The following MAGI2 variants were observed in gnomAD, a reference collection of about 807,000 sequenced individuals.
MAGI2 encodes membrane-associated guanylate kinase, WW and PDZ domain-containing protein 2.
MAGI2 carries 35 observed loss-of-function variants against 133.3 expected under a neutral mutation model. That is an observed-to-expected ratio of 0.26 (90% CI 0.20 to 0.35). The LOEUF (loss-of-function observed/expected upper bound fraction) is 0.35, where lower values mean the gene tolerates loss of function less well. MAGI2 is among the 10% of genes least tolerant of loss of function. MAGI2 has a pLI of 1.00. For missense variants in MAGI2, 1,636 were observed against 1,863.4 expected, an observed-to-expected ratio of 0.88 and a Z score of 2.25; for synonymous variants, 729 against 710.6, an observed-to-expected ratio of 1.03 and a Z score of -0.41.
At chr7:78,328,806 C>T (rs931829451) in intron 9 of MAGI2, among the ~76,000 whole-genome samples, 4 of 151,896 alleles carry the variant, frequency 2.6e-5, no homozygotes, top group African/African-American at 9.7e-5. Flanking sequence ...TTCCCACCAT[C>T]CCCCATAGTC....
chr7:78,065,462 A>G (rs938369853), intron 21 of MAGI2: 3 of 571,364 alleles, frequency 5.3e-6, no homozygotes, highest in Non-Finnish European at 9.2e-6. Context: ...CCAGAACTCT[A>G]GAAATAATTA....
intron 20 of MAGI2, among the ~76,000 whole-genome samples, chr7:78,096,693 A>G (rs1366341004): frequency 1.3e-5 from 2 of 152,284 alleles, no homozygotes; most frequent in African/African-American, 2.4e-5. Flanking sequence ...TACAGTCTAC[A>G]GCTTCTTTTG....
At chr7:78,073,658 G>A (rs1814960595) in intron 21 of MAGI2, among the ~76,000 whole-genome samples, 1 of 152,186 alleles carries the variant, frequency 6.6e-6, no homozygotes, top group Admixed American at 6.5e-5. Context: ...ATTTACCTTG[G>A]CCCTGACTCT....
chr7:78,717,561 T>C (rs901562605), intron 2 of MAGI2, among the ~76,000 whole-genome samples: 4 of 152,286 alleles, frequency 2.6e-5, no homozygotes, highest in Non-Finnish European at 5.9e-5. Context: ...GGTGAAAATA[T>C]CGGAGCCCCA....
rs999326873 is a variant in MAGI2, at chr7:79,284,438, A to G, written c.301+168582T>C. Among the ~76,000 whole-genome samples the G allele has an allele frequency of 4.6e-5, 7 of 152,134 alleles. No individual in the cohort carries two copies. In the South Asian group the frequency reaches 1.5e-3, roughly 32 times the overall value. On this transcript the variant is annotated intron_variant, in intron 1 of 21. Coordinates refer to ENST00000354212, the MANE Select transcript of MAGI2 (RefSeq NM_012301.4). ...GGTCTGGCATGGTCCTGGGCACCCC[A>G]CTAGACCACATATCACATACTTTTA...
intron 1 of MAGI2, among the ~76,000 whole-genome samples, chr7:79,261,579 G>T (rs1301561019): frequency 1.3e-5 from 2 of 152,050 alleles, no homozygotes. Flanking sequence ...ACCCCTTTAT[G>T]TAATGTTTCT....
At chr7:78,871,047 A>G (rs1458014574) in intron 2 of MAGI2, among the ~76,000 whole-genome samples, 4 of 152,194 alleles carry the variant, frequency 2.6e-5, no homozygotes, top group Non-Finnish European at 4.4e-5. Flanking sequence ...GCAGTGGCTC[A>G]TGCCTGTAAT....
At chr7:79,157,655 A>G (rs7790650) in intron 1 of MAGI2, among the ~76,000 whole-genome samples, 111,140 of 151,846 alleles carry the variant, frequency 0.73, 42,108 homozygotes, top group Non-Finnish European at 0.84. Context: ...TTTATGGCAC[A>G]TCTCCTTGCC....
At chr7:78,410,346 T>C (rs1484582852) in intron 6 of MAGI2, among the ~76,000 whole-genome samples, 1 of 152,052 alleles carries the variant, frequency 6.6e-6, no homozygotes, top group Non-Finnish European at 1.5e-5. Flanking sequence ...CAATGCAAAG[T>C]CACCAGAATG....
chr7:79,258,004 AT>A (rs1255625815), intron 1 of MAGI2, among the ~76,000 whole-genome samples: 2 of 152,168 alleles, frequency 1.3e-5, no homozygotes, highest in Admixed American at 6.5e-5. Flanking sequence ...GACCTCATGC[AT>A]TTTTTTCTTA....
rs1442679732 is a variant in MAGI2, at chr7:78,114,850, C to T, written c.3567+10844G>A. ...CTGGAGCTGGAGAGGAAGATAAGGACGTATGCTACAGAATGAATGCGGCGG... is the reference window on the plus strand; with the variant it reads ...CTGGAGCTGGAGAGGAAGATAAGGATGTATGCTACAGAATGAATGCGGCGG... On this transcript the variant is annotated intron_variant, in intron 20 of 21. Transcript: ENST00000354212. Among the ~76,000 whole-genome samples, 5 of 152,128 alleles carry T rather than the reference C, an allele frequency of 3.3e-5. 1 individual carries two copies. The South Asian group carries it at 8.3e-4, about 25-fold the overall frequency.
At chr7:79,221,688 T>C (rs1228473531) in intron 1 of MAGI2, among the ~76,000 whole-genome samples, 8 of 151,988 alleles carry the variant, frequency 5.3e-5, no homozygotes, top group African/African-American at 1.7e-4. Flanking sequence ...TCTTCAGAAG[T>C]TTCAATGTGT....
chr7:78,776,428 T>C (rs1583844271), intron 2 of MAGI2, among the ~76,000 whole-genome samples: 1 of 152,256 alleles, frequency 6.6e-6, no homozygotes, highest in African/African-American at 2.4e-5. Flanking sequence ...TCTTGAGACA[T>C]TTATGATCTC....
At chr7:78,126,516 A>G (rs1820999619) in intron 19 of MAGI2, among the ~76,000 whole-genome samples, 1 of 152,252 alleles carries the variant, frequency 6.6e-6, no homozygotes, top group East Asian at 1.9e-4. Context: ...TCTAGATACC[A>G]AACTCTGGTC....
chr7:79,406,877 G>C lies in MAGI2; in HGVS notation c.301+46143C>G, dbSNP rs551321343. Among the ~76,000 whole-genome samples the C allele has an allele frequency of 3.9e-5, 6 of 152,218 alleles. No individual in the cohort carries two copies. The South Asian group carries it at 8.3e-4, about 21-fold the overall frequency. On this transcript the variant is annotated intron_variant, in intron 1 of 21. Coordinates refer to ENST00000354212, the MANE Select transcript of MAGI2 (RefSeq NM_012301.4). ...AATCAGTTAATGCAATTTTCCAGAA[G>C]TGTCTATTAAAGGCAGGACTGAGGT...
At chr7:79,039,803 G>A (rs953155670) in intron 1 of MAGI2, among the ~76,000 whole-genome samples, 2 of 145,208 alleles carry the variant, frequency 1.4e-5, no homozygotes, top group Non-Finnish European at 3.0e-5. Flanking sequence ...ATACACATAT[G>A]TATACACATA....
At chr7:79,444,256 G>C (rs1848693327) in intron 1 of MAGI2, among the ~76,000 whole-genome samples, 1 of 152,184 alleles carries the variant, frequency 6.6e-6, no homozygotes, top group African/African-American at 2.4e-5. Flanking sequence ...ACTGGCTCAA[G>C]ACAGGGATGC....
intron 4 of MAGI2, among the ~76,000 whole-genome samples, chr7:78,510,403 G>GAATA (rs1196981498): frequency 6.6e-6 from 1 of 152,152 alleles, no homozygotes; most frequent in Non-Finnish European, 1.5e-5. Context: ...CTAGAATATA[G>GAATA]TAGGTGTTCA....
chr7:78,593,653 C>T (rs1804284896), intron 3 of MAGI2, among the ~76,000 whole-genome samples: 1 of 152,176 alleles, frequency 6.6e-6, no homozygotes, highest in East Asian at 1.9e-4. Context: ...TCTTATTTGT[C>T]TTCCAGATGG....
Sources: allele counts gnomAD v4.1 joint callset (sites outside exome capture counted in the v4.1 genomes callset), GRCh38; gene constraint gnomAD v4.1.1; transcripts MANE v1.5; gene names NCBI Gene and HGNC (gene_info 2026-07-23, HGNC 2026-07-21).